Variants in PHACTR1 observed in about 807,000 individuals in gnomAD.
PHACTR1 encodes the protein RPEL repeat containing 1.
A neutral mutation model predicts 69.2 loss-of-function variants in PHACTR1; 16 were observed. The observed-to-expected ratio is 0.23, with a 90% confidence interval of 0.16 to 0.35. The LOEUF is 0.35. Among genes scored for constraint, PHACTR1 ranks in the 10% least tolerant of loss-of-function variants. The pLI, the probability that PHACTR1 is intolerant of heterozygous loss-of-function variation, is 1.00. For synonymous variants in PHACTR1, 312 were observed against 284.5 expected, an observed-to-expected ratio of 1.10 and a Z score of -0.97; for missense variants, 510 against 734.7, an observed-to-expected ratio of 0.69 and a Z score of 3.54.
At chr6:12,855,356 G>T (rs1450820073) in intron 4 of PHACTR1, among the ~76,000 whole-genome samples, 1 of 152,132 alleles carries the variant, frequency 6.6e-6, no homozygotes, top group Non-Finnish European at 1.5e-5. Context: ...GGAGGCTGAG[G>T]CCAGAGGATC....
chr6:13,246,861 T>G lies in PHACTR1; in HGVS notation c.1391+16668T>G, dbSNP rs532131643. On this transcript the variant is annotated intron_variant, in intron 10 of 14. Transcript: ENST00000332995. This position sits in a 1 kb window ranked among gnomAD's most constrained non-coding sequence, Gnocchi z 4.2. ...ATCTCATGCAAAATGCTAATAGGAATAATTCATTTTATTTATCTTCATTAT... is the reference window on the plus strand; with the variant it reads ...ATCTCATGCAAAATGCTAATAGGAAGAATTCATTTTATTTATCTTCATTAT... Among the ~76,000 whole-genome samples, 1 of 152,240 alleles carries G rather than the reference T, an allele frequency of 6.6e-6. No homozygotes were observed. Among genetic ancestry groups the G allele is most frequent in the Non-Finnish European group, 1.5e-5 (1 of 68,042 alleles).
At chr6:12,891,483 A>G (rs1237942167) in intron 4 of PHACTR1, among the ~76,000 whole-genome samples, 1 of 152,200 alleles carries the variant, frequency 6.6e-6, no homozygotes, top group East Asian at 1.9e-4. Context: ...GAGGAAACAA[A>G]GAAATGAAGT....
intron 8 of PHACTR1, among the ~76,000 whole-genome samples, chr6:13,225,099 TTTC>T (rs1769378372): frequency 6.6e-6 from 1 of 152,238 alleles, no homozygotes; most frequent in Non-Finnish European, 1.5e-5. Flanking sequence ...TCTCCTTTCT[TTTC>T]TTGCTCTCCT....
intron 4 of PHACTR1, among the ~76,000 whole-genome samples, chr6:12,760,532 A>G (rs1403676314): frequency 6.6e-6 from 1 of 152,144 alleles, no homozygotes; most frequent in Non-Finnish European, 1.5e-5. Context: ...AGAGCAGAGA[A>G]AGAGATACAG....
chr6:13,060,518 A>G (rs1055912872), intron 5 of PHACTR1, among the ~76,000 whole-genome samples: 9 of 152,286 alleles, frequency 5.9e-5, no homozygotes, highest in Non-Finnish European at 2.9e-5. Flanking sequence ...GACAGAAGAG[A>G]TAGGGGAAGG....
intron 10 of PHACTR1, among the ~76,000 whole-genome samples, chr6:13,263,400 C>T (rs1776196556): frequency 6.7e-6 from 1 of 148,986 alleles, no homozygotes; most frequent in African/African-American, 2.5e-5. Flanking sequence ...AGAAGGCTCA[C>T]ATACAGCACT....
Position 12,865,856 on chromosome 6 carries a change from C to A in PHACTR1, c.250+116066C>A, listed in dbSNP as rs571587104. 1.2e-4 allele frequency among the ~76,000 whole-genome samples: 19 copies of A among 152,232 alleles called. No homozygotes were observed. The South Asian group carries it at 3.9e-3, about 32-fold the overall frequency. The stretch of plus-strand genomic sequence containing the variant: ...CTTCCAGCTATAAAACCTAATGATT[C>A]TCTTCCCCTAGGGAATGCAGATGGC... On this transcript the variant is annotated intron_variant, in intron 4 of 14. Transcript: ENST00000332995.
intron 4 of PHACTR1, among the ~76,000 whole-genome samples, chr6:12,880,864 G>C (rs1373933822): frequency 3.8e-5 from 4 of 105,610 alleles, no homozygotes; most frequent in African/African-American, 1.6e-4. Flanking sequence ...CGCGGAACAG[G>C]CAAGCTGTGG....
chr6:13,282,306 C>T (rs368575645), intron 12 of PHACTR1, among the ~76,000 whole-genome samples: 1 of 152,268 alleles, frequency 6.6e-6, no homozygotes, highest in East Asian at 1.9e-4. Flanking sequence ...TGTGTTGCTC[C>T]AGGAGAAATA....
intron 3 of PHACTR1, among the ~76,000 whole-genome samples, chr6:12,740,903 C>A (rs1379227749): frequency 6.6e-6 from 1 of 151,770 alleles, no homozygotes; most frequent in South Asian, 2.1e-4. Flanking sequence ...TTTAATTTTA[C>A]AAGTCTTGCT....
At chr6:13,122,523 C>T (rs1818895427) in intron 5 of PHACTR1, among the ~76,000 whole-genome samples, 1 of 152,176 alleles carries the variant, frequency 6.6e-6, no homozygotes, top group South Asian at 2.1e-4. Context: ...TTGGCTTACC[C>T]AATACAGGAC....
intron 5 of PHACTR1, among the ~76,000 whole-genome samples, chr6:13,061,379 G>T (rs181572614): frequency 8.5e-5 from 13 of 152,244 alleles, no homozygotes. Context: ...AGATAGGAAA[G>T]GAAAGGTCCA....
At chr6:13,274,206 C>T (rs1050548626) in intron 11 of PHACTR1, 2 of 152,218 alleles carry the variant, frequency 1.3e-5, no homozygotes, top group African/African-American at 4.8e-5. Flanking sequence ...CCGCCACTTC[C>T]TCAACTCTCA....
intron 5 of PHACTR1, among the ~76,000 whole-genome samples, chr6:13,135,505 A>T (rs1380291840): frequency 1.3e-5 from 2 of 152,236 alleles, no homozygotes; most frequent in African/African-American, 2.4e-5. Context: ...GGATTATTAC[A>T]GCGATTTATT....
At chr6:13,055,564 C>T (rs894230242) in intron 5 of PHACTR1, among the ~76,000 whole-genome samples, 1 of 152,174 alleles carries the variant, frequency 6.6e-6, no homozygotes, top group African/African-American at 2.4e-5. Flanking sequence ...AGGTCTCTTC[C>T]TGACTTTGCT....
At chr6:12,904,550 A>T (rs1209595667) in intron 4 of PHACTR1, among the ~76,000 whole-genome samples, 1 of 151,748 alleles carries the variant, frequency 6.6e-6, no homozygotes, top group Non-Finnish European at 1.5e-5. Flanking sequence ...AAAAAAAAAA[A>T]GTGAAGAAAG....
intron 4 of PHACTR1, among the ~76,000 whole-genome samples, chr6:13,010,923 A>G (rs1035441620): frequency 1.3e-5 from 2 of 152,240 alleles, no homozygotes; most frequent in African/African-American, 4.8e-5. Context: ...AATGCGGGAC[A>G]GTGCGCACAT....
chr6:12,965,600 C>T (rs1242212903), intron 4 of PHACTR1, among the ~76,000 whole-genome samples: 1 of 152,080 alleles, frequency 6.6e-6, no homozygotes, highest in Non-Finnish European at 1.5e-5. Context: ...GTGAGCGTGG[C>T]TCAGGCATGA....
intron 4 of PHACTR1, among the ~76,000 whole-genome samples, chr6:12,968,400 C>T (rs1793754167): frequency 6.6e-6 from 1 of 152,080 alleles, no homozygotes; most frequent in African/African-American, 2.4e-5. Flanking sequence ...ATATGCATAA[C>T]ATGAAATTTA....
Sources: gnomAD v4.1 joint callset for allele counts (sites outside exome capture counted in the v4.1 genomes callset) on GRCh38, gnomAD v4.1.1 for gene constraint, Gnocchi (gnomAD v3.1) non-coding constraint, MANE v1.5 for transcripts, NCBI Gene and HGNC (gene_info 2026-07-23, HGNC 2026-07-21) for gene names.